COL6A5: variants seen among roughly 807,000 people sequenced by gnomAD.
COL6A5 encodes collagen alpha-5(VI) chain.
Under a neutral mutation model 65.6 loss-of-function variants are expected in COL6A5, and 48 were observed. That is an observed-to-expected ratio of 0.73 (90% confidence interval 0.58 to 0.93). The LOEUF (loss-of-function observed/expected upper bound fraction) is 0.93. Ranked by LOEUF, COL6A5 falls within the 40% of genes least tolerant of loss-of-function variation. The pLI, the probability that COL6A5 is intolerant of heterozygous loss-of-function variation, is 0.00. For missense variants in COL6A5, 914 were observed against 928.3 expected (o/e 0.98, Z 0.20); for synonymous variants, 291 against 322.8 (o/e 0.90, Z 1.05).
At chr3:130,465,478 T>C (rs563814233) in intron 5 of COL6A5, among the ~76,000 whole-genome samples, 1 of 152,110 alleles carries the variant, frequency 6.6e-6, no homozygotes, top group South Asian at 2.1e-4. Context: ...CACATAGTAA[T>C]GGGGAGAAAA....
chr3:130,470,770 C>G (rs1709931890), intron 6 of COL6A5, 101 bp from the exon 39 acceptor site: 1 of 799,732 alleles, frequency 1.3e-6, no homozygotes, highest in Non-Finnish European at 2.1e-6. Context: ...AAAAGTTGTT[C>G]TTGAAAACAC....
chr3:130,398,003 C>T (rs776614823), intron 9 of COL6A5, 27 bp from the exon 10 acceptor site: 108 of 1,546,386 alleles, frequency 7.0e-5, no homozygotes, highest in South Asian at 3.2e-4. Flanking sequence ...TTAGCTTTTA[C>T]ACCATACCAT....
chr3:130,368,546 A>AGTGT (rs148381805), intron 1 of COL6A5, among the ~76,000 whole-genome samples: 59 of 150,162 alleles, frequency 3.9e-4, no homozygotes, highest in East Asian at 1.2e-3. Flanking sequence ...TGTGTGAGAG[A>AGTGT]GTGTGTGTGT....
chr3:130,460,999 A>C (rs1035440604), intron 5 of COL6A5, among the ~76,000 whole-genome samples: 2 of 151,962 alleles, frequency 1.3e-5, no homozygotes, highest in Non-Finnish European at 2.9e-5. Context: ...TAGAGGGCTT[A>C]CTATATGAAA....
At chr3:130,371,566 A>T (rs1935561105) in intron 1 of COL6A5, among the ~76,000 whole-genome samples, 1 of 152,200 alleles carries the variant, frequency 6.6e-6, no homozygotes. Context: ...AGACAATTCA[A>T]TGGTGAAAGA....
exon 4 of COL6A5, chr3:130,379,943 C>T: frequency 6.4e-7 from 1 of 1,551,252 alleles, no homozygotes; most frequent in Non-Finnish European, 8.7e-7. Flanking sequence ...ACGCTGAAGT[C>T]CTATGCAGAC....
intron 7 of COL6A5, among the ~76,000 whole-genome samples, chr3:130,475,709 G>A (rs1450559056): frequency 6.6e-6 from 1 of 152,052 alleles, no homozygotes; most frequent in Non-Finnish European, 1.5e-5. Context: ...ATTAAGGAAG[G>A]GACACAAATG....
chr3:130,421,391 A>G (rs1244111988), intron 27 of COL6A5, 31 bp downstream of exon 27: 5 of 1,547,962 alleles, frequency 3.2e-6, no homozygotes, highest in African/African-American at 1.4e-5. Context: ...TGAAATTACC[A>G]TGATCTTAAC....
chr3:130,484,355 A>G (rs935299109), exon 8 of COL6A5: 24 of 404,942 alleles, frequency 5.9e-5, no homozygotes, highest in African/African-American at 1.0e-4. Context: ...TCAGGCATCA[A>G]TTTTGATGAT....
exon 8 of COL6A5, chr3:130,395,162 AAAAAAGT>A (rs1233851844): frequency 6.4e-7 from 1 of 1,551,558 alleles, no homozygotes; most frequent in African/African-American, 1.4e-5. Flanking sequence ...CTTTGCCCTT[AAAAAAGT>A]GAGCAATATG....
chr3:130,367,445 G>A (rs1935383766), intron 1 of COL6A5, among the ~76,000 whole-genome samples: 1 of 152,022 alleles, frequency 6.6e-6, no homozygotes, highest in Non-Finnish European at 1.5e-5. Flanking sequence ...CTTGCCTTCC[G>A]ACCTGCCTTC....
At chr3:130,484,407 G>A in exon 8 of COL6A5, 1 of 406,108 alleles carries the variant, frequency 2.5e-6, no homozygotes, top group Non-Finnish European at 4.3e-6. Flanking sequence ...CAACACATCT[G>A]TATCTCAGAT....
At chr3:130,388,310 T>C (rs546728181) in intron 5 of COL6A5, among the ~76,000 whole-genome samples, 23 of 151,808 alleles carry the variant, frequency 1.5e-4, no homozygotes, top group African/African-American at 4.4e-4. Flanking sequence ...AAAATTATGA[T>C]TGAATGAATG....
At chr3:130,422,463 G>A (rs115391865) in intron 27 of COL6A5, among the ~76,000 whole-genome samples, 172 of 151,780 alleles carry the variant, frequency 1.1e-3, no homozygotes, top group African/African-American at 4.0e-3. Context: ...TTGGATATTC[G>A]TAGTAACTGG....
exon 7 of COL6A5, chr3:130,470,936 C>G: frequency 6.2e-7 from 1 of 1,612,154 alleles, no homozygotes. Flanking sequence ...CTCTCCCAAC[C>G]CAGAGAACGG....
chr3:130,411,843 TC>T (rs1489345162), intron 20 of COL6A5, among the ~76,000 whole-genome samples: 1 of 152,124 alleles, frequency 6.6e-6, no homozygotes, highest in Non-Finnish European at 1.5e-5. Flanking sequence ...TCTACCCATT[TC>T]CCTGCTGACC....
chr3:130,361,501 C>T (rs932244828), intron 1 of COL6A5, among the ~76,000 whole-genome samples: 1 of 152,002 alleles, frequency 6.6e-6, no homozygotes, highest in African/African-American at 2.4e-5. Flanking sequence ...TTGTTTGCTT[C>T]CAAGTTTTGG....
At chr3:130,439,120 T>C (rs1559903949) in intron 1 of COL6A5, among the ~76,000 whole-genome samples, 1 of 152,160 alleles carries the variant, frequency 6.6e-6, no homozygotes, top group Non-Finnish European at 1.5e-5. Context: ...AGGGCCCAAC[T>C]TCAAAAGCTG....
chr3:130,449,251 T>C (rs1344261946), intron 4 of COL6A5, among the ~76,000 whole-genome samples: 1 of 152,158 alleles, frequency 6.6e-6, no homozygotes, highest in Non-Finnish European at 1.5e-5. Flanking sequence ...CAGCCCTGTT[T>C]TCTTTTATAG....
Sources: gnomAD v4.1 joint callset for allele counts (sites outside exome capture counted in the v4.1 genomes callset) on GRCh38, gnomAD v4.1.1 for gene constraint, MANE v1.5 for transcripts, NCBI Gene and HGNC (gene_info 2026-07-23, HGNC 2026-07-21) for gene names.